The following PCDHA4 variants were observed in gnomAD, a reference collection of about 807,000 sequenced individuals.
The protein encoded by PCDHA4 is protocadherin alpha-4.
PCDHA4 carries 49 observed loss-of-function variants against 61.4 expected under a neutral mutation model. The observed-to-expected ratio is 0.80, with a 90% CI of 0.63 to 1.01. PCDHA4 has a LOEUF of 1.01. PCDHA4 is among the 50% of genes least tolerant of loss of function. PCDHA4 has a pLI of 0.00. For missense variants in PCDHA4, 1,254 were observed against 1,235.8 expected, an observed-to-expected ratio of 1.01 and a Z score of -0.22; for synonymous variants, 590 against 550.3, an observed-to-expected ratio of 1.07 and a Z score of -1.01.
intron 1 of PCDHA4, chr5:140,843,893 C>A: frequency 1.5e-6 from 1 of 677,036 alleles, no homozygotes; most frequent in South Asian, 2.1e-5. Context: ...CAGTATTAAT[C>A]ATTCTCCACA....
chr5:140,882,582 A>G (rs1554174663), intron 1 of PCDHA4: 1 of 1,614,114 alleles, frequency 6.2e-7, no homozygotes, highest in East Asian at 2.2e-5. Context: ...TGCAGCATCC[A>G]CCTGGAGGTG....
chr5:140,832,938 T>C (rs1176338223), intron 1 of PCDHA4, among the ~76,000 whole-genome samples: 1 of 152,010 alleles, frequency 6.6e-6, no homozygotes, highest in Non-Finnish European at 1.5e-5. Context: ...GAGAAGAGAG[T>C]AACTTAAGTG....
Position 140,809,015 on chromosome 5 carries a change from G to C in PCDHA4, c.1828G>C (p.Glu610Gln). Residue 610 changes from glutamate (E) to glutamine (Q), a missense_variant, in exon 1 of 4, where the codon GAG becomes CAG. Coordinates refer to ENST00000530339, the MANE Select transcript of PCDHA4 (RefSeq NM_018907.4). ...GGGCTACAACGCGTGGCTTTCGTAC[G>C]AGCTGCAGCCGGGGACTGGTGGCGC... The part of the protein sequence containing the change: ...DSGYNAWLSY[E>Q]LQPGTGGARI... 1 of 1,613,710 alleles carries C rather than the reference G, an allele frequency of 6.2e-7. No homozygotes were observed. Among genetic ancestry groups the C allele is most frequent in the Non-Finnish European group, 8.5e-7 (1 of 1,179,770 alleles).
chr5:140,989,633 A>AGG (rs2097351730), intron 3 of PCDHA4, among the ~76,000 whole-genome samples: 1 of 152,226 alleles, frequency 6.6e-6, no homozygotes. Flanking sequence ...AGTGACAGCA[A>AGG]GGGTCTTTCA....
At chr5:140,960,557 G>A (rs2095556177) in intron 1 of PCDHA4, among the ~76,000 whole-genome samples, 1 of 152,104 alleles carries the variant, frequency 6.6e-6, no homozygotes. Context: ...TATAGACTGA[G>A]CTTAGGAAAA....
intron 1 of PCDHA4, among the ~76,000 whole-genome samples, chr5:140,901,369 C>G (rs1366309820): frequency 1.3e-5 from 2 of 152,120 alleles, no homozygotes; most frequent in African/African-American, 2.4e-5. Flanking sequence ...GTCTTTAATC[C>G]ATTTTAATTC....
At chr5:140,918,941 T>C (rs1476342004) in intron 1 of PCDHA4, among the ~76,000 whole-genome samples, 1 of 152,228 alleles carries the variant, frequency 6.6e-6, no homozygotes, top group East Asian at 1.9e-4. Context: ...TTTGTTATAA[T>C]ATCCTGAACA....
chr5:140,895,315 A>C (rs541841623), intron 1 of PCDHA4, among the ~76,000 whole-genome samples: 2 of 152,036 alleles, frequency 1.3e-5, no homozygotes, highest in East Asian at 1.9e-4. Flanking sequence ...TCCACCCATG[A>C]CTATTGTTCT....
chr5:140,809,668 A>G (rs1303079080), intron 1 of PCDHA4, 96 bp downstream of exon 1: 11 of 1,453,082 alleles, frequency 7.6e-6, no homozygotes, highest in Admixed American at 2.3e-5. Context: ...TCCCTGGGTT[A>G]AAATTTTACC....
At chr5:141,001,653 G>A (rs2098030504) in intron 3 of PCDHA4, among the ~76,000 whole-genome samples, 1 of 152,182 alleles carries the variant, frequency 6.6e-6, no homozygotes, top group African/African-American at 2.4e-5. Context: ...TGTGGGAGAA[G>A]GCGGAGCTTG....
chr5:140,884,456 G>A lies in PCDHA4; in HGVS notation c.2385+74884G>A, dbSNP rs1460569799. 2.5e-6 allele frequency: 4 copies of A among 1,613,650 alleles called. No individual in the cohort carries two copies. In the African/African-American group the frequency reaches 5.3e-5, roughly 22 times the overall value. The stretch of plus-strand genomic sequence containing the variant: ...GCGGTGCTCGGCACCGCCCACCGAG[G>A]GCGCGTGCGCGCCGGGCAAGCCCAC... On this transcript the variant is annotated intron_variant, in intron 1 of 3. Coordinates refer to ENST00000530339, the MANE Select transcript of PCDHA4 (RefSeq NM_018907.4).
Position 140,843,222 on chromosome 5 carries a change from C to T in PCDHA4, c.2385+33650C>T, listed in dbSNP as rs2150355483. On this transcript the variant is annotated intron_variant, in intron 1 of 3. Coordinates refer to ENST00000530339, the MANE Select transcript of PCDHA4 (RefSeq NM_018907.4). ...CTGTACACGGGCGAGATCAGCACCA[C>T]TCGTGTCCTGGACGAAGCGGACTCT... is the stretch of plus-strand genomic sequence containing the variant. 32 of 1,596,168 alleles carry T rather than the reference C, an allele frequency of 2.0e-5. 4 individuals are homozygous for T. Among genetic ancestry groups the T allele is most frequent in the Non-Finnish European group, 2.5e-5 (29 of 1,165,638 alleles).
chr5:140,831,524 T>G lies in PCDHA4; in HGVS notation c.2385+21952T>G, dbSNP rs1771606843. ...GAGCACCACCATGCCCCCCACCTTT[T>G]TTTTTTTTTTTTTTTTTTTTAAGAG... On this transcript the variant is annotated intron_variant, in intron 1 of 3. Coordinates refer to ENST00000530339, the MANE Select transcript of PCDHA4 (RefSeq NM_018907.4). Among the ~76,000 whole-genome samples, 5 of 26,740 alleles carry G rather than the reference T, an allele frequency of 1.9e-4. No individual in the cohort carries two copies. The South Asian group carries it at 4.8e-3, about 26-fold the overall frequency. 17.5% of individuals were successfully genotyped at this position (26,740 alleles called of 152,430 possible).
chr5:140,807,290 G>A lies in PCDHA4; in HGVS notation c.103G>A (p.Val35Ile). 1 of 1,614,210 alleles carries A rather than the reference G, an allele frequency of 6.2e-7. No individual in the cohort carries two copies. Among genetic ancestry groups the A allele is most frequent in the Non-Finnish European group, 8.5e-7 (1 of 1,180,048 alleles). The change falls in exon 1 of 4, where the codon GTC becomes ATC. Residue 35 changes from valine (V) to isoleucine (I), a missense_variant. By Grantham distance (29) the Val-to-Ile change is conservative. Coordinates refer to ENST00000530339, the MANE Select transcript of PCDHA4 (RefSeq NM_018907.4). ...EAGNGQLHYS[V>I]SEEAKHGTFV... The stretch of plus-strand genomic sequence containing the variant: ...AGGGAACGGTCAGCTCCACTACTCG[G>A]TCTCCGAGGAGGCCAAACACGGCAC...
rs543030376 is a variant in PCDHA4, at chr5:140,961,758, G to A, written c.2386-17191G>A. 3.3e-5 allele frequency among the ~76,000 whole-genome samples: 5 copies of A among 152,240 alleles called. No individual in the cohort carries two copies. In the South Asian group the frequency reaches 8.3e-4, roughly 25 times the overall value. On this transcript the variant is annotated intron_variant, in intron 1 of 3. Coordinates refer to ENST00000530339, the MANE Select transcript of PCDHA4 (RefSeq NM_018907.4). ...CTTTAGTAATATTACAGTTTTGAAG[G>A]AATTTATATCAAGCTTAATGGCACT...
intron 1 of PCDHA4, among the ~76,000 whole-genome samples, chr5:140,938,157 G>A (rs532966795): frequency 6.6e-6 from 1 of 151,904 alleles, no homozygotes; most frequent in East Asian, 1.9e-4. Context: ...CATTGCCCAG[G>A]CTAGTCTGGA....
chr5:140,841,838 A>G (rs1453803660), intron 1 of PCDHA4: 11 of 1,613,802 alleles, frequency 6.8e-6, no homozygotes, highest in Admixed American at 6.7e-5. Context: ...CTACAGGCTT[A>G]GCTCTCATGA....
intron 1 of PCDHA4, chr5:140,829,599 C>T: frequency 1.9e-6 from 3 of 1,612,030 alleles, no homozygotes; most frequent in Non-Finnish European, 2.5e-6. Context: ...GGCGAGCGCG[C>T]GTTGTCGAGC....
At chr5:140,843,007 GC>G in intron 1 of PCDHA4, 1 of 1,594,980 alleles carries the variant, frequency 6.3e-7, no homozygotes, top group Non-Finnish European at 8.6e-7. Flanking sequence ...ATGACAACGC[GC>G]CGGCACTGCT....
Sources: gnomAD v4.1 joint callset for allele counts (sites outside exome capture counted in the v4.1 genomes callset) on GRCh38, gnomAD v4.1.1 for gene constraint, MANE v1.5 for transcripts, NCBI Gene and HGNC (gene_info 2026-07-23, HGNC 2026-07-21) for gene names.